Variants in NSUN3 observed in about 807,000 individuals in gnomAD.
NSUN3 encodes the protein tRNA (cytosine(34)-C(5))-methyltransferase, mitochondrial.
Under a neutral mutation model 36.8 loss-of-function variants are expected in NSUN3, and 24 were observed. The observed-to-expected ratio is 0.65, with a 90% confidence interval of 0.47 to 0.92. The LOEUF (loss-of-function observed/expected upper bound fraction) is 0.92. Ranked by LOEUF, NSUN3 falls within the 40% of genes least tolerant of loss-of-function variation. The pLI, the probability that NSUN3 is intolerant of heterozygous loss-of-function variation, is 0.00. For synonymous variants in NSUN3, 146 were observed against 145.2 expected, an observed-to-expected ratio of 1.01 and a Z score of -0.04; for missense variants, 381 against 392.8, an observed-to-expected ratio of 0.97 and a Z score of 0.25.
rs547280061 is a variant in NSUN3, at chr3:94,070,146, G to A, written c.122+5600G>A. On this transcript the variant is annotated intron_variant, in intron 2 of 5. Coordinates refer to ENST00000314622, the MANE Select transcript of NSUN3 (RefSeq NM_022072.5). ...GACGGTGTATTTTTAGAGAATGAATGAATGTTGACAAGAAGATAATATACG... is the reference window on the plus strand; with the variant it reads ...GACGGTGTATTTTTAGAGAATGAATAAATGTTGACAAGAAGATAATATACG... Among the ~76,000 whole-genome samples, 44 of 152,244 alleles carry A rather than the reference G, an allele frequency of 2.9e-4. No individual in the cohort carries two copies. In the South Asian group the frequency reaches 3.7e-3, roughly 13 times the overall value.
At chr3:94,108,910 C>T (rs13070047) in intron 5 of NSUN3, among the ~76,000 whole-genome samples, 12,330 of 152,266 alleles carry the variant, frequency 0.081, 611 homozygotes, top group Middle Eastern at 0.19. Flanking sequence ...GGTGATTCAC[C>T]CAACTCGGCC....
chr3:94,108,651 G>A (rs562580688), intron 5 of NSUN3, among the ~76,000 whole-genome samples: 19 of 147,702 alleles, frequency 1.3e-4, no homozygotes, highest in South Asian at 2.2e-4. Context: ...GAGCCACCGC[G>A]CCTGGCCTTT....
chr3:94,106,873 G>A (rs932473292), intron 5 of NSUN3, among the ~76,000 whole-genome samples: 1 of 151,988 alleles, frequency 6.6e-6, no homozygotes, highest in Non-Finnish European at 1.5e-5. Context: ...GAAAGGAAAA[G>A]TAAATGAAGA....
At position 94,094,352 on chromosome 3, in the gene NSUN3, G is replaced by T. The variant is rs1576090825; in HGVS notation, c.621+58G>T. 8 of 1,483,010 alleles carry T rather than the reference G, an allele frequency of 5.4e-6. No individual in the cohort carries two copies. In the South Asian group the frequency reaches 8.8e-5, roughly 16 times the overall value. 91.9% of individuals were successfully genotyped at this position (1,483,010 alleles called of 1,614,324 possible). On this transcript the variant is annotated intron_variant, in intron 4 of 5. Transcript: ENST00000314622. ...CGCCCAGTAATACCACTATTATGTT[G>T]CTTTGTGGTTGTTATTTTCCATCTG...
rs1245138025 is a variant in NSUN3, at chr3:94,130,295, A to G, written c.*3805A>G. On this transcript the variant is annotated 3_prime_UTR_variant, in exon 6 of 6. Coordinates refer to ENST00000314622, the MANE Select transcript of NSUN3 (RefSeq NM_022072.5). ...TTGTAGATCCAGCTTTAACATTTTTATGACATCCTAGTAATAGCAGACCCT... is the reference window on the plus strand; with the variant it reads ...TTGTAGATCCAGCTTTAACATTTTTGTGACATCCTAGTAATAGCAGACCCT... Among the ~76,000 whole-genome samples the G allele has an allele frequency of 6.6e-6, 1 of 152,184 alleles. No homozygotes were observed. Among genetic ancestry groups the G allele is most frequent in the African/African-American group, 2.4e-5 (1 of 41,458 alleles).
intron 5 of NSUN3, among the ~76,000 whole-genome samples, chr3:94,115,123 A>G (rs1018409955): frequency 6.6e-6 from 1 of 152,150 alleles, no homozygotes; most frequent in Non-Finnish European, 1.5e-5. Flanking sequence ...CATTTTTCAC[A>G]TTATTAATTA....
At chr3:94,092,057 G>A (rs2077317171) in intron 3 of NSUN3, among the ~76,000 whole-genome samples, 1 of 152,204 alleles carries the variant, frequency 6.6e-6, no homozygotes, top group South Asian at 2.1e-4. Context: ...TCACCTGTAT[G>A]CTTGCAATAC....
intron 2 of NSUN3, among the ~76,000 whole-genome samples, chr3:94,068,853 G>A (rs948994733): frequency 5.9e-5 from 9 of 151,774 alleles, no homozygotes; most frequent in Non-Finnish European, 1.3e-4. Context: ...TGTGAAGGAT[G>A]TAGACTGAGG....
intron 2 of NSUN3, among the ~76,000 whole-genome samples, chr3:94,081,137 T>C (rs1471928748): frequency 1.3e-5 from 2 of 152,178 alleles, no homozygotes; most frequent in Non-Finnish European, 2.9e-5. Flanking sequence ...GCTCAGTCCC[T>C]CATGGCTTCC....
Position 94,131,703 on chromosome 3 carries a change from A to G in NSUN3, c.*5213A>G, listed in dbSNP as rs2107280258. On this transcript the variant is annotated 3_prime_UTR_variant, in exon 6 of 6. Transcript: ENST00000314622. ...AGTAATTGATATTACTTTCTGTGACACTGAGTTACTTTCAAAATAGCTTTA... is the reference window on the plus strand; with the variant it reads ...AGTAATTGATATTACTTTCTGTGACGCTGAGTTACTTTCAAAATAGCTTTA... 6.6e-6 allele frequency among the ~76,000 whole-genome samples: 1 copy of G among 152,340 alleles called. No individual in the cohort carries two copies. Among genetic ancestry groups the G allele is most frequent in the East Asian group, 1.9e-4 (1 of 5,186 alleles).
At chr3:94,063,216 G>T in intron 1 of NSUN3, 78 bp downstream of exon 1, 1 of 1,411,458 alleles carries the variant, frequency 7.1e-7, no homozygotes, top group East Asian at 2.3e-5. Context: ...GAGGGAGGGT[G>T]CTGGGATGGG....
At chr3:94,083,068 A>T (rs1176236241) in intron 2 of NSUN3, among the ~76,000 whole-genome samples, 1 of 149,804 alleles carries the variant, frequency 6.7e-6, no homozygotes, top group African/African-American at 2.5e-5. Context: ...TGATGGGTTC[A>T]TTTTGACAGA....
intron 2 of NSUN3, among the ~76,000 whole-genome samples, chr3:94,071,746 C>T (rs988388904): frequency 2.0e-5 from 3 of 152,130 alleles, no homozygotes; most frequent in Admixed American, 6.6e-5. Flanking sequence ...TAAATGGAGC[C>T]GCTTCAGACT....
chr3:94,068,819 C>T (rs186228244), intron 2 of NSUN3, among the ~76,000 whole-genome samples: 270 of 149,310 alleles, frequency 1.8e-3, no homozygotes, highest in African/African-American at 6.5e-3. Context: ...TACACACACA[C>T]AACCTGATAA....
intron 5 of NSUN3, among the ~76,000 whole-genome samples, chr3:94,110,821 T>C (rs2077413517): frequency 1.3e-5 from 2 of 151,672 alleles, no homozygotes; most frequent in Admixed American, 1.3e-4. Flanking sequence ...CATATATGTG[T>C]GTGTGTGTGT....
rs2077195403 is a variant in NSUN3, at chr3:94,064,559, C to T, written c.122+13C>T. 1 of 1,431,896 alleles carries T rather than the reference C, an allele frequency of 7.0e-7. No homozygotes were observed. Among genetic ancestry groups the T allele is most frequent in the Non-Finnish European group, 9.9e-7 (1 of 1,014,774 alleles). 88.7% of individuals were successfully genotyped at this position (1,431,896 alleles called of 1,614,324 possible). A position where few individuals can be genotyped will look rare whatever the true frequency, so the allele number is the denominator to read the frequency against. ...GGAATACAGTAAGGTTAGTATAATT[C>T]ATCTCGATGCTTTATGATGGAACAA... is the stretch of plus-strand genomic sequence containing the variant. On this transcript the variant is annotated intron_variant, in intron 2 of 5. Transcript: ENST00000314622.
chr3:94,095,566 G>A lies in NSUN3; in HGVS notation c.743+412G>A, dbSNP rs148771277. On this transcript the variant is annotated intron_variant, in intron 5 of 5. Transcript: ENST00000314622. ...AATCAGCCCCTAGCAAGTTGTAGCTGGTTGTTAGCGCTTATCTCCCCTCTG... is the reference window on the plus strand; with the variant it reads ...AATCAGCCCCTAGCAAGTTGTAGCTAGTTGTTAGCGCTTATCTCCCCTCTG... Among the ~76,000 whole-genome samples the A allele has an allele frequency of 1.2e-3, 182 of 152,248 alleles. 6 individuals are homozygous for A. In the East Asian group the frequency reaches 0.032, roughly 27 times the overall value.
chr3:94,090,008 A>G (rs185992054), intron 3 of NSUN3, among the ~76,000 whole-genome samples: 3 of 152,314 alleles, frequency 2.0e-5, no homozygotes, highest in Admixed American at 2.0e-4. Context: ...ATGATCATAA[A>G]TTATAGCTTA....
chr3:94,077,602 G>A (rs1023147624), intron 2 of NSUN3, among the ~76,000 whole-genome samples: 1 of 152,114 alleles, frequency 6.6e-6, no homozygotes, highest in Non-Finnish European at 1.5e-5. Flanking sequence ...ATTAATTACT[G>A]CCTCAATTTC....
Sources: allele counts gnomAD v4.1 joint callset (sites outside exome capture counted in the v4.1 genomes callset), GRCh38; gene constraint gnomAD v4.1.1; transcripts MANE v1.5; gene names NCBI Gene and HGNC (gene_info 2026-07-23, HGNC 2026-07-21).